GRM8: variants seen among roughly 807,000 people sequenced by gnomAD.
The protein encoded by GRM8 is metabotropic glutamate receptor 8.
Under a neutral mutation model 87.2 loss-of-function variants are expected in GRM8, and 47 were observed. The ratio of observed to expected loss-of-function variants is 0.54; its 90% CI spans 0.43 to 0.69. The LOEUF is 0.69. GRM8 is among the 30% of genes least tolerant of loss of function. GRM8 has a pLI of 0.00. For missense variants in GRM8, 1,019 were observed against 1,139.2 expected, an observed-to-expected ratio of 0.89 and a Z score of 1.52; for synonymous variants, 396 against 404.5, an observed-to-expected ratio of 0.98 and a Z score of 0.25.
At chr7:126,875,057 A>G (rs1028314387) in intron 6 of GRM8, among the ~76,000 whole-genome samples, 2 of 152,130 alleles carry the variant, frequency 1.3e-5, no homozygotes, top group African/African-American at 4.8e-5. Flanking sequence ...CATGGCCACA[A>G]ATATTGTCAC....
At chr7:127,175,637 A>G (rs1306614291) in intron 2 of GRM8, among the ~76,000 whole-genome samples, 2 of 152,228 alleles carry the variant, frequency 1.3e-5, no homozygotes, top group African/African-American at 2.4e-5. Context: ...TAAGAATTAC[A>G]GCAGACTTCT....
chr7:127,004,310 T>C (rs1213778675), intron 3 of GRM8, among the ~76,000 whole-genome samples: 1 of 151,516 alleles, frequency 6.6e-6, no homozygotes, highest in Non-Finnish European at 1.5e-5. Flanking sequence ...CAAAAGAATA[T>C]CATTAATAAA....
intron 6 of GRM8, among the ~76,000 whole-genome samples, chr7:126,852,308 A>G (rs142217685): frequency 3.9e-5 from 6 of 152,296 alleles, no homozygotes; most frequent in African/African-American, 1.4e-4. Flanking sequence ...GCAGCGCCTG[A>G]CATGTTGTTT....
At chr7:126,703,703 G>C (rs913797564) in intron 7 of GRM8, among the ~76,000 whole-genome samples, 1 of 152,148 alleles carries the variant, frequency 6.6e-6, no homozygotes, top group African/African-American at 2.4e-5. Context: ...AGGACTACAG[G>C]TGTGCTCTGC....
chr7:126,456,781 T>C (rs117524141), intron 9 of GRM8, among the ~76,000 whole-genome samples: 3,357 of 151,620 alleles, frequency 0.022, 40 homozygotes, highest in Non-Finnish European at 0.034. Context: ...AATTGCCGAC[T>C]AGTAGAAAAT....
At chr7:127,105,635 GA>G (rs1303548949) in intron 3 of GRM8, among the ~76,000 whole-genome samples, 2 of 151,870 alleles carry the variant, frequency 1.3e-5, no homozygotes, top group African/African-American at 4.8e-5. Flanking sequence ...CAAAATTACT[GA>G]AAAAAATCAA....
intron 3 of GRM8, among the ~76,000 whole-genome samples, chr7:127,040,113 TGGGTG>T: frequency 2.9e-4 from 2 of 6,826 alleles, no homozygotes; most frequent in Non-Finnish European, 5.2e-4. Flanking sequence ...GAAGGGGAGA[TGGGTG>T]GGGGAGGAGG....
chr7:126,526,334 T>C (rs184384884), intron 9 of GRM8, among the ~76,000 whole-genome samples: 152 of 152,306 alleles, frequency 1.0e-3, no homozygotes, highest in African/African-American at 3.5e-3. Context: ...CTGAAAATAT[T>C]CACATTTCAG....
chr7:126,870,095 T>A (rs986055343), intron 6 of GRM8: 1 of 152,322 alleles, frequency 6.6e-6, no homozygotes, highest in African/African-American at 2.4e-5. Flanking sequence ...ACCTTGTGCT[T>A]TTCTGTTATG....
chr7:127,095,020 G>A (rs763978531), intron 3 of GRM8, among the ~76,000 whole-genome samples: 2 of 152,200 alleles, frequency 1.3e-5, no homozygotes, highest in Non-Finnish European at 2.9e-5. Context: ...TTCATGCATA[G>A]TCAAACCTTA....
intron 9 of GRM8, among the ~76,000 whole-genome samples, chr7:126,483,200 G>C (rs1806920163): frequency 6.7e-6 from 1 of 148,968 alleles, no homozygotes; most frequent in African/African-American, 2.5e-5. Flanking sequence ...TCATCATGAT[G>C]CATTAAAGAG....
intron 3 of GRM8, among the ~76,000 whole-genome samples, chr7:126,989,251 G>T (rs143005309): frequency 6.6e-6 from 1 of 151,934 alleles, no homozygotes; most frequent in African/African-American, 2.4e-5. Flanking sequence ...ATTATTTTCC[G>T]TTAAATTTCC....
At chr7:126,447,801 C>G (rs1445015323) in intron 9 of GRM8, among the ~76,000 whole-genome samples, 2 of 151,882 alleles carry the variant, frequency 1.3e-5, no homozygotes, top group Admixed American at 1.3e-4. Context: ...AAAATCATAC[C>G]ATGCACACTG....
In GRM8 at chr7:127,252,057, G is replaced by C. The variant is rs932228739; in HGVS notation, c.-312+740C>G. On this transcript the variant is annotated intron_variant, in intron 1 of 10. Transcript: ENST00000339582. This position sits in a 1 kb window ranked among gnomAD's most constrained non-coding sequence, Gnocchi z 4.9. ...ATCCAGCCCACGCTCAGAGGGCGGG[G>C]GTTACCCCGACTCATCCCGGAAGCC... 1.3e-5 allele frequency: 2 copies of C among 152,150 alleles called. No homozygotes were observed. Among genetic ancestry groups the C allele is most frequent in the African/African-American group, 4.8e-5 (2 of 41,446 alleles). 9.4% of individuals were successfully genotyped at this position (152,150 alleles called of 1,614,324 possible).
intron 3 of GRM8, among the ~76,000 whole-genome samples, chr7:126,968,631 G>C (rs918709365): frequency 6.6e-6 from 1 of 152,078 alleles, no homozygotes; most frequent in African/African-American, 2.4e-5. Flanking sequence ...AATTTTAGGA[G>C]AAACACTCCT....
chr7:126,517,655 G>A (rs775505419), intron 9 of GRM8, among the ~76,000 whole-genome samples: 30 of 152,056 alleles, frequency 2.0e-4, no homozygotes, highest in Non-Finnish European at 3.7e-4. Context: ...TATTATGTGT[G>A]TTGTGAATAT....
chr7:126,753,333 C>T (rs1410239070), intron 7 of GRM8, among the ~76,000 whole-genome samples: 1 of 151,650 alleles, frequency 6.6e-6, no homozygotes, highest in Admixed American at 6.6e-5. Context: ...CTTAGTTGCT[C>T]TACTACACAG....
At chr7:126,693,821 C>A (rs1004275737) in intron 7 of GRM8, among the ~76,000 whole-genome samples, 1 of 151,988 alleles carries the variant, frequency 6.6e-6, no homozygotes, top group African/African-American at 2.4e-5. Flanking sequence ...AATATTTCTT[C>A]TCAAAGTATT....
At chr7:127,056,132 T>A (rs1278345465) in intron 3 of GRM8, among the ~76,000 whole-genome samples, 4 of 128,940 alleles carry the variant, frequency 3.1e-5, no homozygotes, top group Non-Finnish European at 6.6e-5. Context: ...TTAATTTAAG[T>A]TATTTCAGGA....
Sources: allele counts gnomAD v4.1 joint callset (sites outside exome capture counted in the v4.1 genomes callset), GRCh38; gene constraint gnomAD v4.1.1; non-coding constraint Gnocchi (gnomAD v3.1); transcripts MANE v1.5; gene names NCBI Gene and HGNC (gene_info 2026-07-23, HGNC 2026-07-21).